The following DSP variants were observed in gnomAD, a reference collection of about 807,000 sequenced individuals.
DSP encodes 250/210 kDa paraneoplastic pemphigus antigen.
A neutral mutation model predicts 290.6 loss-of-function variants in DSP; 114 were observed. That is an observed-to-expected ratio of 0.39 (90% confidence interval 0.34 to 0.46). DSP has a LOEUF of 0.46. DSP is among the 20% of genes least tolerant of loss of function. The probability of loss-of-function intolerance (pLI) is 0.99; values close to 1 mark genes in which losing one functional copy is unlikely to be tolerated. For synonymous variants in DSP, 1,311 were observed against 1,316.4 expected (o/e 1.00, Z 0.09); for missense variants, 3,230 against 3,495.8 (o/e 0.92, Z 1.92).
At position 7,583,677 on chromosome 6, in the gene DSP, A is replaced by G. The variant is rs762434061; in HGVS notation, c.6415A>G (p.Asn2139Asp). The change falls in exon 24 of 24, where the codon AAC (asparagine) becomes GAC (aspartate). Residue 2139 changes from asparagine to aspartate, a missense_variant. By Grantham distance (23) the Asn-to-Asp change is conservative. This residue lies in a region of DSP where 1,714 missense variants were observed against 1,844.5 expected (regional missense o/e 0.93). Transcript: ENST00000379802. The surrounding 1 kb of genome is among the most constrained non-coding windows in gnomAD (Gnocchi z 4.0). ...TTCAGGGGGTGTAGTAGACCCTGTG[A>G]ACAGTGTCTTTTTGCCAAAAGATGT... ...IASGGVVDPV[N>D]SVFLPKDVAL... 6 of 1,614,144 alleles carry G rather than the reference A, an allele frequency of 3.7e-6. No homozygotes were observed. The highest frequency in any genetic ancestry group is 5.1e-6 in the Non-Finnish European group (6 of 1,180,032).
chr6:7,542,100 G>T lies in DSP; in HGVS notation c.170+15G>T. ...GACGGCTACTGGTGGGTACCTGCCC[G>T]GAGAGCGCGGGCTGCGGGGCTCGCG... On this transcript the variant is annotated intron_variant, in intron 1 of 23. Transcript: ENST00000379802. 1 of 1,553,572 alleles carries T rather than the reference G, an allele frequency of 6.4e-7. No individual in the cohort carries two copies. The highest frequency in any genetic ancestry group is 8.7e-7 in the Non-Finnish European group (1 of 1,148,704).
intron 15 of DSP, among the ~76,000 whole-genome samples, chr6:7,573,757 G>C (rs1287016105): frequency 6.6e-6 from 1 of 152,130 alleles, no homozygotes; most frequent in Non-Finnish European, 1.5e-5. Context: ...TTACCGGGGT[G>C]GGGAGGGAGG....
At chr6:7,564,802 C>CAACTATAT (rs71542871) in intron 6 of DSP, among the ~76,000 whole-genome samples, 39,333 of 151,624 alleles carry the variant, frequency 0.26, 5,391 homozygotes, top group East Asian at 0.45. Flanking sequence ...CAAATATGTA[C>CAACTATAT]AACTATATCA....
Position 7,585,396 on chromosome 6 carries a change from G to A in DSP, c.8134G>A (p.Ala2712Thr), listed in dbSNP as rs1288275514. ...AAAGAAGAAGATGTCAGCAGCAGAG[G>A]CAGTGAAAGAAAAATGGCTCCCGTA... ...KGKKKMSAAE[A>T]VKEKWLPYEA... Residue 2712 changes from alanine to threonine, a missense_variant, in exon 24 of 24, where the codon GCA becomes ACA. This residue lies in a region of DSP where 582 missense variants were observed against 555.4 expected (regional missense o/e 1.05). Transcript: ENST00000379802. 1.2e-6 allele frequency: 2 copies of A among 1,614,144 alleles called. No individual in the cohort carries two copies. The highest frequency in any genetic ancestry group is 8.5e-7 in the Non-Finnish European group (1 of 1,180,018).
At chr6:7,568,342 C>CA in intron 10 of DSP, 95 bp from the exon 11 acceptor site, 2 of 1,357,060 alleles carry the variant, frequency 1.5e-6, no homozygotes, top group East Asian at 2.3e-5. Flanking sequence ...CAGTGATACT[C>CA]AGTGTGTCAT....
intron 1 of DSP, among the ~76,000 whole-genome samples, chr6:7,548,073 C>T (rs1339645723): frequency 6.6e-6 from 1 of 152,024 alleles, no homozygotes; most frequent in Non-Finnish European, 1.5e-5. Context: ...TCCAGCCCAG[C>T]CTAGCCAATA....
chr6:7,554,847 G>T (rs1434569907), intron 1 of DSP, among the ~76,000 whole-genome samples: 1 of 151,930 alleles, frequency 6.6e-6, no homozygotes, highest in Admixed American at 6.5e-5. Context: ...GTAAGACAGG[G>T]TCTTGCTATG....
At chr6:7,544,395 C>T (rs1191721515) in intron 1 of DSP, among the ~76,000 whole-genome samples, 1 of 152,036 alleles carries the variant, frequency 6.6e-6, no homozygotes, top group Non-Finnish European at 1.5e-5. Flanking sequence ...AGCCACTGCT[C>T]TCTGCTAAGT....
At chr6:7,573,946 ACTGATGTGTTAATTTACTTAC>A in intron 15 of DSP, 119 bp from the exon 16 acceptor site, 1 of 920,280 alleles carries the variant, frequency 1.1e-6, no homozygotes, top group East Asian at 2.6e-5. Flanking sequence ...ATGGAAGTTG[ACTGATGTGTTAATTTACTTAC>A]CTGATGTAAT....
At chr6:7,545,706 C>A (rs1758153087) in intron 1 of DSP, among the ~76,000 whole-genome samples, 1 of 152,200 alleles carries the variant, frequency 6.6e-6, no homozygotes, top group African/African-American at 2.4e-5. Context: ...TACGTGACTT[C>A]AGAGACTTCA....
intron 3 of DSP, 37 bp from the exon 4 acceptor site, chr6:7,559,189 T>C (rs752789956): frequency 6.2e-7 from 1 of 1,612,802 alleles, no homozygotes; most frequent in African/African-American, 1.3e-5. Context: ...TCATAGGCTG[T>C]TTTCCTGCAG....
Position 7,555,721 on chromosome 6 carries a change from A to G in DSP, c.174A>G (p.Gln58=), listed in dbSNP as rs140384933. The G allele has an allele frequency of 1.2e-4, 192 of 1,614,094 alleles. No individual in the cohort carries two copies. The highest frequency in any genetic ancestry group is 1.5e-4 in the Non-Finnish European group (178 of 1,180,032). ...ITDQNSDGYC[Q]TGTMSRHQNQ... ...TTCTCTGTGTTTGCCTCCTTAGTCA[A>G]ACCGGCACGATGTCCAGGCACCAGA... Residue 58 remains glutamine, a synonymous_variant, in exon 2 of 24, where the codon CAA becomes CAG. Transcript: ENST00000379802.
intron 15 of DSP, among the ~76,000 whole-genome samples, chr6:7,572,979 C>CGG (rs1561691444): frequency 6.6e-6 from 1 of 152,054 alleles, no homozygotes. Flanking sequence ...TATAATCTTA[C>CGG]GGGGGCTGGA....
chr6:7,573,363 G>A (rs1195115674), intron 15 of DSP, among the ~76,000 whole-genome samples: 1 of 152,114 alleles, frequency 6.6e-6, no homozygotes, highest in East Asian at 1.9e-4. Context: ...TGGATCACAA[G>A]GTCAGGAGTT....
Position 7,581,048 on chromosome 6 carries a change from G to C in DSP, c.4858G>C (p.Glu1620Gln), listed in dbSNP as rs1759420397. The change falls in exon 23 of 24, where the codon GAG becomes CAG. Residue 1620 changes from glutamate to glutamine, a missense_variant. Physicochemically the swap from Glu to Gln is conservative, Grantham distance 29. Coordinates refer to ENST00000379802, the MANE Select transcript of DSP (RefSeq NM_004415.4). ...IKITNLTQQL[E>Q]QASIVKKRSE... ...AATCACCAACCTGACCCAGCAGCTG[G>C]AGCAGGCATCCATTGTTAAGAAGAG... The C allele has an allele frequency of 1.2e-6, 2 of 1,614,064 alleles. No individual in the cohort carries two copies. The highest frequency in any genetic ancestry group is 1.1e-5 in the South Asian group (1 of 91,084).
chr6:7,580,931 A>G lies in DSP; in HGVS notation c.4741A>G (p.Lys1581Glu), dbSNP rs186842903. 504 of 1,614,152 alleles carry G rather than the reference A, an allele frequency of 3.1e-4. 8 individuals are homozygous for G. In the East Asian group the frequency reaches 0.011, roughly 35 times the overall value. The stretch of plus-strand genomic sequence containing the variant: ...GGTGGAAGAGGAGCTGAATCGGCTG[A>G]AGAGGACCGCGTCAGAAGACTCCTG... ...QKVEEELNRL[K>E]RTASEDSCKR... The change falls in exon 23 of 24, where the codon AAG becomes GAG. Residue 1581 changes from lysine (K) to glutamate (E), a missense_variant. Physicochemically the swap from Lys to Glu is moderately conservative, Grantham distance 56. Transcript: ENST00000379802. The surrounding 1 kb of genome is among the most constrained non-coding windows in gnomAD (Gnocchi z 4.2).
intron 1 of DSP, among the ~76,000 whole-genome samples, chr6:7,543,182 TC>T (rs923203352): frequency 6.6e-6 from 1 of 151,952 alleles, no homozygotes; most frequent in African/African-American, 2.4e-5. Flanking sequence ...TGCTAGTTGT[TC>T]CCACGTCGGG....
At chr6:7,563,709 A>G in intron 5 of DSP, 27 bp from the exon 6 acceptor site, 3 of 1,601,622 alleles carry the variant, frequency 1.9e-6, no homozygotes, top group Non-Finnish European at 2.6e-6. Context: ...GGGGATTTAT[A>G]TCTACCTGCT....
Position 7,571,497 on chromosome 6 carries a change from C to A in DSP, c.1816C>A (p.Arg606=), listed in dbSNP as rs372467697. The A allele has an allele frequency of 6.2e-7, 1 of 1,614,180 alleles. No homozygotes were observed. Among genetic ancestry groups the A allele is most frequent in the Non-Finnish European group, 8.5e-7 (1 of 1,180,036 alleles). ...GSEMFGDDDK[R]KIQSQFTDAQ... is the part of the protein sequence containing the mutation. The stretch of plus-strand genomic sequence containing the variant: ...AGAGATGTTTGGAGATGATGACAAG[C>A]GGAAAATACAGTCTCAGTTCACCGA... The change falls in exon 14 of 24, where the codon CGG becomes AGG. Residue 606 remains arginine (R), a synonymous_variant. Coordinates refer to ENST00000379802, the MANE Select transcript of DSP (RefSeq NM_004415.4).
Sources: allele counts gnomAD v4.1 joint callset (sites outside exome capture counted in the v4.1 genomes callset), GRCh38; gene constraint gnomAD v4.1.1; regional missense constraint gnomAD v4.1.1; non-coding constraint Gnocchi (gnomAD v3.1); transcripts MANE v1.5; gene names NCBI Gene and HGNC (gene_info 2026-07-23, HGNC 2026-07-21).